Variants in CLEC16A observed in about 807,000 individuals in gnomAD.
CLEC16A encodes C-type lectin domain containing 16A.
In CLEC16A, 51 loss-of-function variants were observed where a neutral mutation model predicts 109.5. The ratio of observed to expected loss-of-function variants is 0.47; its 90% CI spans 0.37 to 0.59. The LOEUF is 0.59. Among genes scored for constraint, CLEC16A ranks in the 20% least tolerant of loss-of-function variants. The pLI is 0.00. For missense variants in CLEC16A, 1,339 were observed against 1,394.0 expected, an observed-to-expected ratio of 0.96 and a Z score of 0.63; for synonymous variants, 673 against 564.2, an observed-to-expected ratio of 1.19 and a Z score of -2.73.
intron 23 of CLEC16A, among the ~76,000 whole-genome samples, chr16:11,170,970 T>G (rs773024265): frequency 6.6e-6 from 1 of 152,078 alleles, no homozygotes; most frequent in Non-Finnish European, 1.5e-5. Context: ...CCCTGGTCCG[T>G]GAGGAAGGTG....
At chr16:10,967,274 A>G (rs1167378222) in intron 3 of CLEC16A, among the ~76,000 whole-genome samples, 1 of 152,142 alleles carries the variant, frequency 6.6e-6, no homozygotes, top group Non-Finnish European at 1.5e-5. Context: ...GATTCCCAAC[A>G]GACTGTTGAG....
chr16:11,061,396 G>T (rs989854444), intron 19 of CLEC16A, among the ~76,000 whole-genome samples: 3 of 152,182 alleles, frequency 2.0e-5, no homozygotes, highest in Non-Finnish European at 4.4e-5. Flanking sequence ...TGATAAAAGG[G>T]TTCTGCTGCT....
intron 19 of CLEC16A, among the ~76,000 whole-genome samples, chr16:11,077,102 T>A (rs1048842285): frequency 6.6e-6 from 1 of 152,054 alleles, no homozygotes; most frequent in African/African-American, 2.4e-5. Flanking sequence ...CCCAGGACTT[T>A]GGGAGGCTGA....
chr16:10,988,917 G>T (rs1459408762), intron 10 of CLEC16A, among the ~76,000 whole-genome samples: 1 of 152,192 alleles, frequency 6.6e-6, no homozygotes, highest in African/African-American at 2.4e-5. Flanking sequence ...TCCTAAGGCT[G>T]CGCAGTGACC....
intron 7 of CLEC16A, among the ~76,000 whole-genome samples, chr16:10,973,773 G>A (rs2042906170): frequency 6.7e-6 from 1 of 150,170 alleles, no homozygotes; most frequent in Non-Finnish European, 1.5e-5. Context: ...GTTTCGTCAT[G>A]TTGCCCAGGC....
chr16:11,051,575 C>T lies in CLEC16A; in HGVS notation c.1929C>T (p.Gly643=). 6.2e-7 allele frequency: 1 copy of T among 1,614,046 alleles called. No individual in the cohort carries two copies. The highest frequency in any genetic ancestry group is 1.3e-5 in the African/African-American group (1 of 75,076). The part of the protein sequence containing the change: ...MDASILLPPT[G]TPLTGIDFVK... ...CCTCCATCCTGCTGCCCCCAACAGG[C>T]ACGCCACTGACGGGCATTGACTTCG... Residue 643 remains glycine, a synonymous_variant, in exon 18 of 24, where the codon GGC becomes GGT. Coordinates refer to ENST00000409790, the MANE Select transcript of CLEC16A (RefSeq NM_015226.3).
At chr16:11,073,586 C>T (rs528301215) in intron 19 of CLEC16A, among the ~76,000 whole-genome samples, 62 of 152,266 alleles carry the variant, frequency 4.1e-4, no homozygotes, top group African/African-American at 1.4e-3. Context: ...AAGCTACCCA[C>T]GACACTCCTC....
At chr16:11,156,756 C>A in intron 22 of CLEC16A, 1 of 966,122 alleles carries the variant, frequency 1.0e-6, no homozygotes, top group Non-Finnish European at 1.5e-6. Flanking sequence ...CCAGCCCTGG[C>A]GACCTTCAGT....
At chr16:11,121,303 T>C (rs1488489786) in intron 20 of CLEC16A, among the ~76,000 whole-genome samples, 1 of 152,240 alleles carries the variant, frequency 6.6e-6, no homozygotes, top group East Asian at 1.9e-4. Context: ...ATTTCCAGTT[T>C]TCTGCTATTT....
At chr16:11,162,166 G>A (rs967284999) in intron 22 of CLEC16A, among the ~76,000 whole-genome samples, 1 of 152,260 alleles carries the variant, frequency 6.6e-6, no homozygotes, top group African/African-American at 2.4e-5. Context: ...CAAAATAACT[G>A]GCAGAACACG....
intron 19 of CLEC16A, among the ~76,000 whole-genome samples, chr16:11,065,407 T>G (rs1273741464): frequency 6.6e-6 from 1 of 152,254 alleles, no homozygotes; most frequent in Non-Finnish European, 1.5e-5. Context: ...ACTTGTATTC[T>G]GATTTCTAAA....
intron 10 of CLEC16A, among the ~76,000 whole-genome samples, chr16:10,997,529 C>T (rs1174819245): frequency 6.6e-6 from 1 of 152,196 alleles, no homozygotes; most frequent in Non-Finnish European, 1.5e-5. Context: ...ACATAAAATT[C>T]ACTCTCTTAA....
intron 13 of CLEC16A, among the ~76,000 whole-genome samples, chr16:11,028,823 A>G (rs945882171): frequency 3.9e-5 from 6 of 152,204 alleles, no homozygotes; most frequent in African/African-American, 9.7e-5. Flanking sequence ...CTTTAATGCT[A>G]TAAATTTCCC....
chr16:10,964,529 T>G (rs951793171), intron 3 of CLEC16A, among the ~76,000 whole-genome samples: 1 of 152,146 alleles, frequency 6.6e-6, no homozygotes, highest in African/African-American at 2.4e-5. Context: ...GGCGTGAGCG[T>G]GAGAGCAGGT....
At chr16:11,155,215 T>C (rs1227661249) in intron 22 of CLEC16A, among the ~76,000 whole-genome samples, 1 of 151,922 alleles carries the variant, frequency 6.6e-6, no homozygotes, top group African/African-American at 2.4e-5. Context: ...AAACAGCGAG[T>C]GCTACCTGAA....
chr16:11,163,342 C>T (rs772755609), intron 22 of CLEC16A, among the ~76,000 whole-genome samples: 3 of 152,168 alleles, frequency 2.0e-5, no homozygotes, highest in Non-Finnish European at 4.4e-5. Flanking sequence ...CTGTGGCTTT[C>T]TGGTCTCAGT....
At chr16:11,159,060 T>C (rs998817212) in intron 22 of CLEC16A, among the ~76,000 whole-genome samples, 1 of 152,248 alleles carries the variant, frequency 6.6e-6, no homozygotes, top group Non-Finnish European at 1.5e-5. Context: ...GTCAACATTT[T>C]CAAAATCAGG....
intron 10 of CLEC16A, among the ~76,000 whole-genome samples, chr16:10,989,790 A>G (rs1032449435): frequency 9.2e-5 from 14 of 152,156 alleles, no homozygotes; most frequent in Non-Finnish European, 1.9e-4. Context: ...GTGGCTAGGA[A>G]AGTAGCAGCC....
At chr16:11,012,458 A>C (rs2045480479) in intron 11 of CLEC16A, among the ~76,000 whole-genome samples, 1 of 151,958 alleles carries the variant, frequency 6.6e-6, no homozygotes, top group Non-Finnish European at 1.5e-5. Context: ...AACCAGGCGG[A>C]ATGGCACGTG....
Sources: allele counts gnomAD v4.1 joint callset (sites outside exome capture counted in the v4.1 genomes callset), GRCh38; gene constraint gnomAD v4.1.1; transcripts MANE v1.5; gene names NCBI Gene and HGNC (gene_info 2026-07-23, HGNC 2026-07-21).